The following ELMO1 variants were observed in gnomAD, a reference collection of about 807,000 sequenced individuals.
The protein encoded by ELMO1 is engulfment and cell motility 1.
A neutral mutation model predicts 98.9 loss-of-function variants in ELMO1; 26 were observed. That is an observed-to-expected ratio of 0.26 (90% CI 0.19 to 0.36). ELMO1 has a LOEUF of 0.36. ELMO1 is among the 10% of genes least tolerant of loss of function. ELMO1 has a pLI of 1.00. For synonymous variants in ELMO1, 346 were observed against 346.0 expected (o/e 1.00, Z 0.00); for missense variants, 627 against 935.2 (o/e 0.67, Z 4.30).
At chr7:37,173,592 G>C (rs1790317655) in intron 13 of ELMO1, among the ~76,000 whole-genome samples, 1 of 152,222 alleles carries the variant, frequency 6.6e-6, no homozygotes, top group Non-Finnish European at 1.5e-5. Context: ...AGGGGTTTCA[G>C]CACAGTCCAA....
intron 16 of ELMO1, among the ~76,000 whole-genome samples, chr7:37,012,639 T>C (rs953523786): frequency 6.6e-6 from 1 of 152,250 alleles, no homozygotes; most frequent in Admixed American, 6.5e-5. Context: ...TTCCCTCTGC[T>C]GGTTATTCAC....
intron 13 of ELMO1, among the ~76,000 whole-genome samples, chr7:37,156,360 C>CA (rs889233106): frequency 1.3e-5 from 2 of 151,928 alleles, no homozygotes; most frequent in Non-Finnish European, 2.9e-5. Flanking sequence ...AAAAACCCTT[C>CA]AAAAAAATCA....
chr7:37,096,986 G>A (rs1365733983), intron 14 of ELMO1, among the ~76,000 whole-genome samples: 1 of 152,160 alleles, frequency 6.6e-6, no homozygotes, highest in Non-Finnish European at 1.5e-5. Context: ...AGAGAAGCCT[G>A]GAGAGTGTTT....
intron 16 of ELMO1, among the ~76,000 whole-genome samples, chr7:36,993,748 G>T (rs1792017044): frequency 6.6e-6 from 1 of 151,970 alleles, no homozygotes; most frequent in Non-Finnish European, 1.5e-5. Flanking sequence ...GGCCCTGAAG[G>T]GCAATAACCA....
intron 16 of ELMO1, among the ~76,000 whole-genome samples, chr7:36,905,039 A>G (rs1783854612): frequency 6.6e-6 from 1 of 152,260 alleles, no homozygotes; most frequent in South Asian, 2.1e-4. Flanking sequence ...TTTAATCCAC[A>G]GCTTTAAATA....
At chr7:37,129,428 G>A (rs747060154) in intron 14 of ELMO1, among the ~76,000 whole-genome samples, 9 of 152,138 alleles carry the variant, frequency 5.9e-5, no homozygotes, top group Non-Finnish European at 1.3e-4. Flanking sequence ...TCTCAGCTCA[G>A]CCACCCAGAT....
chr7:37,250,309 GC>G (rs1795273352), intron 6 of ELMO1, among the ~76,000 whole-genome samples: 1 of 152,060 alleles, frequency 6.6e-6, no homozygotes, highest in Non-Finnish European at 1.5e-5. Flanking sequence ...GGTACAAAAA[GC>G]AGGTTATAAA....
chr7:36,961,078 C>A (rs990588862), intron 16 of ELMO1, among the ~76,000 whole-genome samples: 5 of 152,208 alleles, frequency 3.3e-5, no homozygotes, highest in Non-Finnish European at 7.3e-5. Flanking sequence ...AAGCACCCTG[C>A]AGTTCCTCCA....
chr7:37,366,480 G>C (rs528976098), intron 1 of ELMO1, among the ~76,000 whole-genome samples: 3 of 152,272 alleles, frequency 2.0e-5, no homozygotes, highest in Admixed American at 6.5e-5. Context: ...TTAAGATCCA[G>C]TTCAAAATGA....
At chr7:36,966,662 C>G (rs571497228) in intron 16 of ELMO1, among the ~76,000 whole-genome samples, 1 of 152,162 alleles carries the variant, frequency 6.6e-6, no homozygotes, top group Non-Finnish European at 1.5e-5. Flanking sequence ...TGATTAGCAT[C>G]AATGAATTGA....
chr7:36,983,294 C>G (rs1246462238), intron 16 of ELMO1, among the ~76,000 whole-genome samples: 1 of 152,200 alleles, frequency 6.6e-6, no homozygotes, highest in Non-Finnish European at 1.5e-5. Context: ...TTGTGATGGG[C>G]TTTTTACTTA....
At chr7:37,420,361 T>G (rs1396103669) in intron 1 of ELMO1, among the ~76,000 whole-genome samples, 1 of 152,252 alleles carries the variant, frequency 6.6e-6, no homozygotes, top group Non-Finnish European at 1.5e-5. Flanking sequence ...GAAACCGTAA[T>G]CTTCAGAGCC....
chr7:36,996,393 T>C (rs368393733), intron 16 of ELMO1, among the ~76,000 whole-genome samples: 26 of 152,146 alleles, frequency 1.7e-4, no homozygotes, highest in South Asian at 1.2e-3. Flanking sequence ...AAAAATTCAA[T>C]TTAAGTAACA....
chr7:36,997,443 TG>T (rs1239647003), intron 16 of ELMO1, among the ~76,000 whole-genome samples: 1 of 152,072 alleles, frequency 6.6e-6, no homozygotes, highest in African/African-American at 2.4e-5. Context: ...AAAAGGCAGG[TG>T]GCCCTTCTCA....
At chr7:37,169,947 G>A (rs1790037282) in intron 13 of ELMO1, among the ~76,000 whole-genome samples, 1 of 151,962 alleles carries the variant, frequency 6.6e-6, no homozygotes, top group Non-Finnish European at 1.5e-5. Context: ...TGTCACCCAG[G>A]CTGGAGTGCA....
intron 1 of ELMO1, among the ~76,000 whole-genome samples, chr7:37,402,134 T>C (rs77958185): frequency 0.019 from 2,898 of 152,302 alleles, 106 homozygotes; most frequent in African/African-American, 0.064. Flanking sequence ...TCTTTTGTTA[T>C]AGGGGCCTCA....
chr7:37,281,102 G>A (rs1797114224), intron 4 of ELMO1, among the ~76,000 whole-genome samples: 1 of 151,776 alleles, frequency 6.6e-6, no homozygotes, highest in Admixed American at 6.6e-5. Context: ...AGATGAGATT[G>A]GAGACTATTA....
intron 13 of ELMO1, among the ~76,000 whole-genome samples, chr7:37,172,067 G>C (rs1275520686): frequency 6.6e-6 from 1 of 152,152 alleles, no homozygotes; most frequent in Non-Finnish European, 1.5e-5. Flanking sequence ...GACAATAATA[G>C]AAGCTAGGAG....
intron 7 of ELMO1, among the ~76,000 whole-genome samples, chr7:37,233,627 A>C: frequency 6.6e-6 from 1 of 152,250 alleles, no homozygotes; most frequent in East Asian, 1.9e-4. Flanking sequence ...TTGGCTAATG[A>C]AATTTGGAGC....
Sources: gnomAD v4.1 joint callset for allele counts (sites outside exome capture counted in the v4.1 genomes callset) on GRCh38, gnomAD v4.1.1 for gene constraint, MANE v1.5 for transcripts, NCBI Gene and HGNC (gene_info 2026-07-23, HGNC 2026-07-21) for gene names.